RPSA2: variants seen among roughly 807,000 people sequenced by gnomAD.
RPSA2 encodes small ribosomal subunit protein uS2B.
At chr19:23,802,929 GTTA>G in the RPSA2 span, among the ~76,000 whole-genome samples, 40 of 152,128 alleles carry the variant, frequency 2.6e-4, no homozygotes, top group African/African-American at 6.3e-4. Context: ...ATAAACAAGA[GTTA>G]TTATTTGCAT....
At chr19:23,802,445 C>T in the RPSA2 span, among the ~76,000 whole-genome samples, 1 of 152,324 alleles carries the variant, frequency 6.6e-6, no homozygotes, top group South Asian at 2.1e-4. Flanking sequence ...ATTGGTCCAT[C>T]AGCCCAGGGT....
chr19:23,861,931 C>A, the RPSA2 span, among the ~76,000 whole-genome samples: 1 of 152,062 alleles, frequency 6.6e-6, no homozygotes, highest in Non-Finnish European at 1.5e-5. Context: ...GTGAGCGGAT[C>A]ATGTCTCTAT....
chr19:23,854,440 TG>T, the RPSA2 span, among the ~76,000 whole-genome samples: 92 of 152,278 alleles, frequency 6.0e-4, no homozygotes, highest in African/African-American at 2.1e-3. Flanking sequence ...TAGGTAAATT[TG>T]TTTGTGCTGG....
the RPSA2 span, among the ~76,000 whole-genome samples, chr19:23,837,164 G>T: frequency 6.6e-6 from 1 of 151,968 alleles, no homozygotes; most frequent in Non-Finnish European, 1.5e-5. Context: ...TTTTTAATAA[G>T]ATGGGACATG....
chr19:23,774,108 A>G, the RPSA2 span, among the ~76,000 whole-genome samples: 1 of 152,182 alleles, frequency 6.6e-6, no homozygotes, highest in Admixed American at 6.5e-5. Flanking sequence ...GGACATTGTG[A>G]CATATCGCTG....
chr19:23,777,004 G>T, the RPSA2 span, among the ~76,000 whole-genome samples: 5 of 152,096 alleles, frequency 3.3e-5, no homozygotes, highest in African/African-American at 4.8e-5. Flanking sequence ...GTGATATATC[G>T]CATGGCCCAG....
the RPSA2 span, chr19:23,827,491 C>T: frequency 1.3e-6 from 2 of 1,594,162 alleles, no homozygotes; most frequent in Non-Finnish European, 8.5e-7. Context: ...CCTTCACTAA[C>T]CAGATCCAGG....
At chr19:23,844,558 G>A in the RPSA2 span, among the ~76,000 whole-genome samples, 5 of 151,998 alleles carry the variant, frequency 3.3e-5, no homozygotes, top group Non-Finnish European at 7.4e-5. Flanking sequence ...TTTAGTTTGA[G>A]TTATTTGTAA....
At chr19:23,774,029 G>A in the RPSA2 span, among the ~76,000 whole-genome samples, 24 of 152,302 alleles carry the variant, frequency 1.6e-4, no homozygotes, top group East Asian at 4.4e-3. Flanking sequence ...AGATGGAATA[G>A]TGACATATTG....
the RPSA2 span, among the ~76,000 whole-genome samples, chr19:23,859,243 A>G: frequency 6.6e-6 from 1 of 152,226 alleles, no homozygotes; most frequent in Admixed American, 6.5e-5. Context: ...CAAACATGAC[A>G]TCAAATTATA....
the RPSA2 span, chr19:23,758,786 G>T: frequency 6.2e-7 from 1 of 1,614,128 alleles, no homozygotes. Flanking sequence ...CTTAGCTATG[G>T]ATCGCCAATA....
chr19:23,822,597 A>G, the RPSA2 span, among the ~76,000 whole-genome samples: 3 of 152,298 alleles, frequency 2.0e-5, no homozygotes, highest in Admixed American at 6.5e-5. Context: ...ATCATAATAA[A>G]TAGGTCCCTG....
the RPSA2 span, among the ~76,000 whole-genome samples, chr19:23,862,252 G>A: frequency 1.3e-5 from 2 of 152,046 alleles, no homozygotes; most frequent in East Asian, 3.9e-4. Context: ...TGCTGAAGTT[G>A]CTTATCAGCT....
the RPSA2 span, chr19:23,799,406 G>A: frequency 1.2e-4 from 18 of 152,322 alleles, no homozygotes; most frequent in African/African-American, 3.8e-4. Flanking sequence ...AATAGAAACT[G>A]TGGCTTAAAT....
chr19:23,851,176 C>T, the RPSA2 span, among the ~76,000 whole-genome samples: 1 of 151,666 alleles, frequency 6.6e-6, no homozygotes, highest in Non-Finnish European at 1.5e-5. Flanking sequence ...TGCAAAGGAG[C>T]TAATGTGAGT....
chr19:23,841,369 C>A, the RPSA2 span, among the ~76,000 whole-genome samples: 1 of 152,048 alleles, frequency 6.6e-6, no homozygotes, highest in Non-Finnish European at 1.5e-5. Context: ...GAGGCTAAGG[C>A]AGGAGAATGG....
At chr19:23,800,388 T>C in the RPSA2 span, among the ~76,000 whole-genome samples, 1 of 151,976 alleles carries the variant, frequency 6.6e-6, no homozygotes, top group Admixed American at 6.6e-5. Context: ...GAGAATTTTT[T>C]TAAAATTATA....
the RPSA2 span, among the ~76,000 whole-genome samples, chr19:23,784,714 C>T: frequency 1.3e-5 from 2 of 152,176 alleles, no homozygotes; most frequent in African/African-American, 4.8e-5. Context: ...CCCACACAAA[C>T]ATATCCCACT....
chr19:23,796,296 C>A, the RPSA2 span, among the ~76,000 whole-genome samples: 1 of 152,138 alleles, frequency 6.6e-6, no homozygotes, highest in Admixed American at 6.5e-5. Context: ...GTTGAACCAA[C>A]CTTGCATTCC....
Sources: allele counts gnomAD v4.1 joint callset (sites outside exome capture counted in the v4.1 genomes callset), GRCh38; gene constraint gnomAD v4.1.1; transcripts MANE v1.5; gene names NCBI Gene and HGNC (gene_info 2026-07-23, HGNC 2026-07-21).